The following DIPK1A variants were observed in gnomAD, a reference collection of about 807,000 sequenced individuals.
DIPK1A encodes the protein divergent protein kinase domain 1A, also known as family with sequence similarity 69 member A.
A neutral mutation model predicts 40.8 loss-of-function variants in DIPK1A; 27 were observed. The observed-to-expected ratio is 0.66, with a 90% CI of 0.49 to 0.91. The LOEUF (loss-of-function observed/expected upper bound fraction) is 0.91. DIPK1A is among the 40% of genes least tolerant of loss of function. The probability of loss-of-function intolerance (pLI) is 0.00; values close to 1 mark genes in which losing one functional copy is unlikely to be tolerated. For missense variants in DIPK1A, 412 were observed against 505.7 expected (o/e 0.81, Z 1.78); for synonymous variants, 166 against 171.3 (o/e 0.97, Z 0.24).
chr1:92,911,292 CTT>C, intron 1 of DIPK1A, among the ~76,000 whole-genome samples: 1 of 152,214 alleles, frequency 6.6e-6, no homozygotes, highest in Non-Finnish European at 1.5e-5. Context: ...TGTCTTGTTC[CTT>C]CCACCCTGTG....
chr1:92,952,584 C>T (rs1055918452), intron 1 of DIPK1A, among the ~76,000 whole-genome samples: 1 of 152,128 alleles, frequency 6.6e-6, no homozygotes, highest in African/African-American at 2.4e-5. Flanking sequence ...CATGATGACG[C>T]CACTGCACTC....
intron 1 of DIPK1A, chr1:92,932,080 T>C: frequency 2.3e-6 from 1 of 441,854 alleles, no homozygotes; most frequent in East Asian, 6.8e-5. Flanking sequence ...AGACTCTGAC[T>C]ACATAGATTA....
intron 1 of DIPK1A, among the ~76,000 whole-genome samples, chr1:92,913,613 G>A (rs1165068350): frequency 1.3e-5 from 2 of 152,168 alleles, no homozygotes; most frequent in Admixed American, 1.3e-4. Flanking sequence ...CTTGCTCCAT[G>A]AGCTGTAACT....
intron 1 of DIPK1A, among the ~76,000 whole-genome samples, chr1:92,942,756 T>C (rs112221617): frequency 0.025 from 3,750 of 152,288 alleles, 131 homozygotes; most frequent in African/African-American, 0.08. Context: ...GCCTCCTTCC[T>C]GAGTTCAAGT....
At chr1:92,927,364 GTTTTTTTTTTTTTT>G (rs61508867) in intron 1 of DIPK1A, among the ~76,000 whole-genome samples, 1 of 104,670 alleles carries the variant, frequency 9.6e-6, no homozygotes, top group Non-Finnish European at 1.9e-5. Context: ...CAATTTTGTT[GTTTTTTTTTTTTTT>G]TTTTTTTTTG....
At chr1:92,935,186 TC>T (rs1363390934) in intron 1 of DIPK1A, among the ~76,000 whole-genome samples, 6 of 152,340 alleles carry the variant, frequency 3.9e-5, no homozygotes, top group African/African-American at 1.4e-4. Context: ...GTTCAATATT[TC>T]CACCTCTCTA....
At chr1:92,953,816 C>T (rs1354569887) in intron 1 of DIPK1A, among the ~76,000 whole-genome samples, 1 of 152,154 alleles carries the variant, frequency 6.6e-6, no homozygotes, top group Non-Finnish European at 1.5e-5. Flanking sequence ...CTGCACAGAT[C>T]TTTGTTGCTG....
chr1:92,870,111 C>T (rs1647764163), intron 2 of DIPK1A, among the ~76,000 whole-genome samples: 1 of 150,502 alleles, frequency 6.6e-6, no homozygotes, highest in Non-Finnish European at 1.5e-5. Flanking sequence ...CACACACACA[C>T]ACATATCTGT....
intron 1 of DIPK1A, among the ~76,000 whole-genome samples, chr1:92,921,592 C>T (rs1264655576): frequency 2.0e-5 from 3 of 152,132 alleles, no homozygotes; most frequent in Non-Finnish European, 2.9e-5. Context: ...AGTGGGAGAG[C>T]AACTGTGCGT....
intron 3 of DIPK1A, among the ~76,000 whole-genome samples, chr1:92,848,873 A>G (rs1687717853): frequency 6.6e-6 from 1 of 152,210 alleles, no homozygotes; most frequent in African/African-American, 2.4e-5. Flanking sequence ...ATAATAATGC[A>G]TATTTATATA....
chr1:92,895,149 T>A (rs1649101459), intron 1 of DIPK1A, among the ~76,000 whole-genome samples: 1 of 151,984 alleles, frequency 6.6e-6, no homozygotes, highest in African/African-American at 2.4e-5. Context: ...CCCTAACTTA[T>A]TTTATGAGGC....
At chr1:92,918,208 G>A (rs1056344990) in intron 1 of DIPK1A, among the ~76,000 whole-genome samples, 1 of 151,958 alleles carries the variant, frequency 6.6e-6, no homozygotes, top group Non-Finnish European at 1.5e-5. Context: ...GGAGTGCAAT[G>A]GCGTGATTTC....
chr1:92,861,358 ACT>A (rs1334758580), intron 2 of DIPK1A, among the ~76,000 whole-genome samples: 1 of 104,038 alleles, frequency 9.6e-6, no homozygotes, highest in African/African-American at 3.8e-5. Context: ...ACAGGGTCTC[ACT>A]CTGTCACCCA....
At chr1:92,846,814 T>C (rs1336363666) in intron 4 of DIPK1A, among the ~76,000 whole-genome samples, 1 of 3,004 alleles carries the variant, frequency 3.3e-4, no homozygotes, top group Non-Finnish European at 4.3e-4. Context: ...TATATATATA[T>C]ATATATATAT....
intron 1 of DIPK1A, among the ~76,000 whole-genome samples, chr1:92,922,938 T>C (rs551294201): frequency 7.2e-4 from 110 of 152,220 alleles, no homozygotes; most frequent in African/African-American, 2.4e-3. Flanking sequence ...TTTTTTTTTT[T>C]CCTCTGCATT....
At chr1:92,880,991 A>G (rs1471183516) in intron 1 of DIPK1A, among the ~76,000 whole-genome samples, 1 of 151,570 alleles carries the variant, frequency 6.6e-6, no homozygotes, top group Non-Finnish European at 1.5e-5. Context: ...GGAGTTCGAG[A>G]CCAGCCTGGC....
chr1:92,914,447 C>T (rs17131669), intron 1 of DIPK1A, among the ~76,000 whole-genome samples: 5,231 of 151,924 alleles, frequency 0.034, 279 homozygotes, highest in African/African-American at 0.11. Flanking sequence ...GCACAGGAGG[C>T]GAGGACAGGG....
chr1:92,855,096 A>AC (rs1687939729), intron 2 of DIPK1A, among the ~76,000 whole-genome samples: 1 of 152,160 alleles, frequency 6.6e-6, no homozygotes, highest in African/African-American at 2.4e-5. Flanking sequence ...AAACTGTACA[A>AC]TTTTTTTAAA....
In DIPK1A at chr1:92,890,844, G is replaced by A. The variant is rs545282868; in HGVS notation, c.55-14414C>T. ...ACTGGCATTATAGAATAAGTTGGAA[G>A]AATGCCCTTCTTTTCAGTTTTCTGG... On this transcript the variant is annotated intron_variant, in intron 1 of 4. Transcript: ENST00000370310. Among the ~76,000 whole-genome samples the A allele has an allele frequency of 3.9e-5, 6 of 152,270 alleles. No homozygotes were observed. In the South Asian group the frequency reaches 1.2e-3, roughly 32 times the overall value.
Sources: allele counts gnomAD v4.1 joint callset (sites outside exome capture counted in the v4.1 genomes callset), GRCh38; gene constraint gnomAD v4.1.1; transcripts MANE v1.5; gene names NCBI Gene and HGNC (gene_info 2026-07-23, HGNC 2026-07-21).